PRDM5: variants seen among roughly 807,000 people sequenced by gnomAD.
The protein encoded by PRDM5 is PR/SET domain 5.
Under a neutral mutation model 81.2 loss-of-function variants are expected in PRDM5, and 56 were observed. The ratio of observed to expected loss-of-function variants is 0.69; its 90% confidence interval spans 0.56 to 0.86. PRDM5 has a LOEUF of 0.86. Ranked by LOEUF, PRDM5 falls within the 40% of genes least tolerant of loss-of-function variation. The probability of loss-of-function intolerance (pLI) is 0.00; values close to 1 mark genes in which losing one functional copy is unlikely to be tolerated. For synonymous variants in PRDM5, 267 were observed against 256.4 expected, an observed-to-expected ratio of 1.04 and a Z score of -0.39; for missense variants, 697 against 770.1, an observed-to-expected ratio of 0.91 and a Z score of 1.12.
At chr4:120,876,858 T>C (rs1187408287) in intron 2 of PRDM5, among the ~76,000 whole-genome samples, 1 of 152,184 alleles carries the variant, frequency 6.6e-6, no homozygotes, top group Non-Finnish European at 1.5e-5. Context: ...CTATGTTTTA[T>C]ATAACTTGAG....
intron 9 of PRDM5, 141 bp downstream of exon 9, chr4:120,799,520 T>A: frequency 1.5e-6 from 2 of 1,324,460 alleles, no homozygotes; most frequent in Non-Finnish European, 2.0e-6. Context: ...AAATAACTTG[T>A]TCAGAATCAC....
At chr4:120,907,614 A>G in intron 1 of PRDM5, 57 bp from the exon 2 acceptor site, 3 of 1,374,780 alleles carry the variant, frequency 2.2e-6, no homozygotes, top group Non-Finnish European at 3.1e-6. Context: ...ACATACTAAA[A>G]TAAACGACTT....
At chr4:120,699,401 A>C (rs1425332647) in intron 15 of PRDM5, among the ~76,000 whole-genome samples, 1 of 151,678 alleles carries the variant, frequency 6.6e-6, no homozygotes, top group Non-Finnish European at 1.5e-5. Context: ...TTCATTTTGT[A>C]AGCATTACTT....
chr4:120,781,121 C>A (rs1365074364), intron 12 of PRDM5, 22 bp downstream of exon 12: 1 of 1,603,664 alleles, frequency 6.2e-7, no homozygotes, highest in Non-Finnish European at 8.5e-7. Flanking sequence ...TCTGTTCAAA[C>A]TAACAGAAGA....
intron 15 of PRDM5, among the ~76,000 whole-genome samples, chr4:120,699,493 A>G (rs1395630613): frequency 1.3e-5 from 2 of 152,106 alleles, no homozygotes; most frequent in African/African-American, 4.8e-5. Flanking sequence ...CCTGAAAGCA[A>G]ACAAGTGCCT....
intron 13 of PRDM5, among the ~76,000 whole-genome samples, chr4:120,769,459 C>A (rs1746911515): frequency 6.6e-6 from 1 of 152,024 alleles, no homozygotes; most frequent in Non-Finnish European, 1.5e-5. Context: ...CGAAAGAAGG[C>A]CAGTAAGCAG....
At chr4:120,807,003 G>GA (rs1005011473) in intron 8 of PRDM5, among the ~76,000 whole-genome samples, 12 of 151,692 alleles carry the variant, frequency 7.9e-5, no homozygotes, top group African/African-American at 2.4e-4. Flanking sequence ...AAAGTTACAA[G>GA]AAAAAAAACA....
intron 2 of PRDM5, among the ~76,000 whole-genome samples, chr4:120,875,460 C>A (rs1305173618): frequency 6.6e-6 from 1 of 152,204 alleles, no homozygotes. Context: ...CTTGAAATAC[C>A]TCACAGGGGC....
chr4:120,781,948 G>C (rs1749099135), intron 11 of PRDM5, among the ~76,000 whole-genome samples: 1 of 152,152 alleles, frequency 6.6e-6, no homozygotes, highest in Non-Finnish European at 1.5e-5. Flanking sequence ...AATTGGGATA[G>C]CAAGACTATT....
At chr4:120,882,209 A>C (rs1410011762) in intron 2 of PRDM5, among the ~76,000 whole-genome samples, 3 of 152,196 alleles carry the variant, frequency 2.0e-5, no homozygotes, top group African/African-American at 4.8e-5. Flanking sequence ...CAATGAAGGA[A>C]GCATATGGCT....
intron 14 of PRDM5, among the ~76,000 whole-genome samples, chr4:120,732,275 TAACTC>T (rs1422608370): frequency 1.3e-5 from 2 of 152,204 alleles, no homozygotes; most frequent in Non-Finnish European, 2.9e-5. Flanking sequence ...TATAAGTACT[TAACTC>T]AGTACATAGT....
chr4:120,765,563 A>T (rs1324799487), intron 13 of PRDM5, among the ~76,000 whole-genome samples: 1 of 152,212 alleles, frequency 6.6e-6, no homozygotes, highest in African/African-American at 2.4e-5. Flanking sequence ...GTTTCAGCAT[A>T]GGAAGCCGGA....
chr4:120,858,368 G>A (rs1760126422), intron 2 of PRDM5, among the ~76,000 whole-genome samples: 1 of 152,018 alleles, frequency 6.6e-6, no homozygotes, highest in African/African-American at 2.4e-5. Flanking sequence ...AAGCAAGTGT[G>A]CTCAAGTAGT....
chr4:120,818,662 A>G lies in PRDM5; in HGVS notation c.476-135T>C, dbSNP rs1754865850. ...ATGAATAAATTCTTATTATCACTAT[A>G]AATATTAATAGTATTTGGCCACAAA... is the stretch of plus-strand genomic sequence containing the variant. On this transcript the variant is annotated intron_variant, in intron 4 of 15. Coordinates refer to ENST00000264808, the MANE Select transcript of PRDM5 (RefSeq NM_018699.4). 11 of 752,094 alleles carry G rather than the reference A, an allele frequency of 1.5e-5. No homozygotes were observed. The South Asian group carries it at 1.9e-4, about 13-fold the overall frequency. The allele number at this position is 752,094 out of a possible 1,614,324, so 46.6% of individuals were successfully genotyped here. A position where few individuals can be genotyped will look rare whatever the true frequency, so the allele number is the denominator to read the frequency against.
chr4:120,919,734 A>C (rs776390186), intron 1 of PRDM5, among the ~76,000 whole-genome samples: 7 of 152,196 alleles, frequency 4.6e-5, no homozygotes, highest in Non-Finnish European at 1.0e-4. Flanking sequence ...TTTTCACTGA[A>C]GCATTCAACT....
intron 15 of PRDM5, among the ~76,000 whole-genome samples, chr4:120,699,064 T>C (rs997858091): frequency 6.6e-6 from 1 of 150,488 alleles, no homozygotes; most frequent in Non-Finnish European, 1.5e-5. Context: ...TTAATATTTA[T>C]GGCTTTATAT....
rs759074653 is a variant in PRDM5 at position 120,798,413 on chromosome 4, A to G, written c.1042T>C (p.Tyr348His). The G allele has an allele frequency of 6.2e-7, 1 of 1,605,942 alleles. No individual in the cohort carries two copies. Among genetic ancestry groups the G allele is most frequent in the Admixed American group, 1.7e-5 (1 of 59,262 alleles). ...HMITHSEKRP[Y>H]NCEICNKSFK... ...GACTTATTACAAATCTCGCAATTAT[A>G]GGGTCGTTTTTCTATTAAAAAAATG... The change falls in exon 10 of 16, where the codon TAT becomes CAT. Residue 348 changes from tyrosine to histidine, a missense_variant. Transcript: ENST00000264808.
At chr4:120,695,748 C>G (rs1734450491) in intron 15 of PRDM5, among the ~76,000 whole-genome samples, 1 of 152,032 alleles carries the variant, frequency 6.6e-6, no homozygotes, top group Non-Finnish European at 1.5e-5. Context: ...TTCATATGAG[C>G]TCTGCCACAT....
chr4:120,909,508 G>A (rs1396863804), intron 1 of PRDM5, among the ~76,000 whole-genome samples: 1 of 152,098 alleles, frequency 6.6e-6, no homozygotes, highest in Non-Finnish European at 1.5e-5. Context: ...ACTCTGTCAT[G>A]TATTTAGCCT....
Sources: gnomAD v4.1 joint callset for allele counts (sites outside exome capture counted in the v4.1 genomes callset) on GRCh38, gnomAD v4.1.1 for gene constraint, MANE v1.5 for transcripts, NCBI Gene and HGNC (gene_info 2026-07-23, HGNC 2026-07-21) for gene names.